The following MAPK4 variants were observed in gnomAD, a reference collection of about 807,000 sequenced individuals.
MAPK4 encodes the protein Erk3-related.
MAPK4 carries 22 observed loss-of-function variants against 47.7 expected under a neutral mutation model. The observed-to-expected ratio is 0.46, with a 90% CI of 0.33 to 0.66. The LOEUF (loss-of-function observed/expected upper bound fraction) is 0.66, where lower values mean the gene tolerates loss of function less well. MAPK4 is among the 30% of genes least tolerant of loss of function. MAPK4 has a pLI of 0.02. For synonymous variants in MAPK4, 390 were observed against 365.7 expected (o/e 1.07, Z -0.76); for missense variants, 736 against 831.7 (o/e 0.88, Z 1.42).
chr18:50,674,479 A>G (rs560549128), intron 2 of MAPK4, among the ~76,000 whole-genome samples: 14 of 152,126 alleles, frequency 9.2e-5, no homozygotes, highest in African/African-American at 3.4e-4. Flanking sequence ...GAGCTGGGAG[A>G]GACCAGCCCT....
At chr18:50,622,202 C>T (rs924164779) in intron 1 of MAPK4, among the ~76,000 whole-genome samples, 3 of 152,130 alleles carry the variant, frequency 2.0e-5, no homozygotes, top group African/African-American at 7.2e-5. Flanking sequence ...CCTGGGGCAT[C>T]ACACGTGCTG....
intron 2 of MAPK4, among the ~76,000 whole-genome samples, chr18:50,667,811 C>T (rs751760327): frequency 3.3e-5 from 5 of 152,202 alleles, no homozygotes; most frequent in Non-Finnish European, 5.9e-5. Context: ...TTCTCCCCAC[C>T]GGCAAGCTAG....
intron 2 of MAPK4, among the ~76,000 whole-genome samples, chr18:50,672,295 C>T (rs1275250083): frequency 6.6e-6 from 1 of 152,164 alleles, no homozygotes; most frequent in Non-Finnish European, 1.5e-5. Flanking sequence ...TCTGAGGGCT[C>T]AGCTAGCAGG....
chr18:50,655,107 C>G (rs912240121), intron 1 of MAPK4, among the ~76,000 whole-genome samples: 2 of 152,184 alleles, frequency 1.3e-5, no homozygotes, highest in Admixed American at 6.5e-5. Context: ...AGTGTCCCCA[C>G]AGGCGTGTTC....
chr18:50,684,269 G>C (rs977048895), intron 2 of MAPK4, among the ~76,000 whole-genome samples: 1 of 152,162 alleles, frequency 6.6e-6, no homozygotes, highest in African/African-American at 2.4e-5. Flanking sequence ...CTTTGACCAG[G>C]CGTGATGACT....
intron 1 of MAPK4, among the ~76,000 whole-genome samples, chr18:50,630,219 G>C (rs1031961945): frequency 6.6e-6 from 1 of 152,100 alleles, no homozygotes; most frequent in Non-Finnish European, 1.5e-5. Flanking sequence ...GACAGAGCCT[G>C]TCTGTGTCAC....
intron 1 of MAPK4, among the ~76,000 whole-genome samples, chr18:50,643,683 G>A (rs2042961463): frequency 6.6e-6 from 1 of 152,204 alleles, no homozygotes; most frequent in Non-Finnish European, 1.5e-5. Flanking sequence ...ACAGAGGTCT[G>A]GGTGGTGGAA....
intron 2 of MAPK4, among the ~76,000 whole-genome samples, chr18:50,692,955 G>T (rs1909309436): frequency 6.6e-6 from 1 of 152,094 alleles, no homozygotes. Flanking sequence ...TGATCCTAAG[G>T]CGTTAAATAG....
At chr18:50,702,748 T>C (rs1909858303) in intron 2 of MAPK4, among the ~76,000 whole-genome samples, 1 of 152,150 alleles carries the variant, frequency 6.6e-6, no homozygotes, top group Non-Finnish European at 1.5e-5. Context: ...CCTGGTTTCA[T>C]GATAGTCTTT....
intron 2 of MAPK4, among the ~76,000 whole-genome samples, chr18:50,686,119 G>A (rs748037758): frequency 2.6e-5 from 4 of 152,078 alleles, no homozygotes; most frequent in Non-Finnish European, 4.4e-5. Context: ...GCCTCGTTAG[G>A]AGTCGTGTTA....
At chr18:50,645,046 A>G (rs1293609053) in intron 1 of MAPK4, among the ~76,000 whole-genome samples, 1 of 152,176 alleles carries the variant, frequency 6.6e-6, no homozygotes, top group Non-Finnish European at 1.5e-5. Context: ...GGGAGAGCAG[A>G]AGGAGAGGCC....
At chr18:50,714,194 A>G (rs1365234387) in intron 2 of MAPK4, among the ~76,000 whole-genome samples, 4 of 152,216 alleles carry the variant, frequency 2.6e-5, no homozygotes, top group Non-Finnish European at 4.4e-5. Flanking sequence ...TTGACCCCCA[A>G]TGGATCTATA....
chr18:50,628,361 T>A (rs2042799790), intron 1 of MAPK4, among the ~76,000 whole-genome samples: 2 of 152,196 alleles, frequency 1.3e-5, no homozygotes, highest in Admixed American at 1.3e-4. Flanking sequence ...TTCTTTCCAT[T>A]GCCGTCTGAT....
At chr18:50,692,341 C>G (rs1909266772) in intron 2 of MAPK4, among the ~76,000 whole-genome samples, 1 of 152,146 alleles carries the variant, frequency 6.6e-6, no homozygotes. Flanking sequence ...TATGAGATCT[C>G]TGGTGCAGGC....
At position 50,663,954 on chromosome 18, in the gene MAPK4, C is replaced by T. The variant is rs746164583; in HGVS notation, c.-5C>T. On this transcript the variant is annotated 5_prime_UTR_variant, in exon 2 of 6. Transcript: ENST00000400384. Reference sequence around the variant, plus strand: ...CCTGGGCAGCTCCAGATCACTGAGCCCACAATGGCTGAGAAGGGTGACTGC... The same window carrying T: ...CCTGGGCAGCTCCAGATCACTGAGCTCACAATGGCTGAGAAGGGTGACTGC... 3 of 1,605,048 alleles carry T rather than the reference C, an allele frequency of 1.9e-6. No individual in the cohort carries two copies. The highest frequency in any genetic ancestry group is 2.2e-5 in the East Asian group (1 of 44,704).
intron 1 of MAPK4, among the ~76,000 whole-genome samples, chr18:50,612,216 A>C (rs1185511661): frequency 6.6e-6 from 1 of 152,186 alleles, no homozygotes; most frequent in East Asian, 1.9e-4. Flanking sequence ...TTTCATTTTT[A>C]CTGATGGAGA....
intron 2 of MAPK4, among the ~76,000 whole-genome samples, chr18:50,711,116 C>T (rs1910337617): frequency 6.6e-6 from 1 of 152,250 alleles, no homozygotes; most frequent in African/African-American, 2.4e-5. Context: ...TGCTTCCCTG[C>T]TCCCTCTGCA....
intron 2 of MAPK4, among the ~76,000 whole-genome samples, chr18:50,665,728 T>C (rs1907564881): frequency 6.6e-6 from 1 of 152,124 alleles, no homozygotes; most frequent in Non-Finnish European, 1.5e-5. Flanking sequence ...AGACCCCAAA[T>C]CAGCCCAGCT....
chr18:50,609,508 A>G (rs11662530), intron 1 of MAPK4, among the ~76,000 whole-genome samples: 25,802 of 152,076 alleles, frequency 0.17, 2,551 homozygotes, highest in Middle Eastern at 0.26. Flanking sequence ...AGGCTCACAC[A>G]GTCAAGGAGA....
Sources: allele counts gnomAD v4.1 joint callset (sites outside exome capture counted in the v4.1 genomes callset), GRCh38; gene constraint gnomAD v4.1.1; transcripts MANE v1.5; gene names NCBI Gene and HGNC (gene_info 2026-07-23, HGNC 2026-07-21).